VWCE: variants seen among roughly 807,000 people sequenced by gnomAD.
The protein encoded by VWCE is von Willebrand factor C and EGF domains, also known as von Willebrand factor C and EGF domain-containing protein.
In VWCE, 68 loss-of-function variants were observed where a neutral mutation model predicts 102.9. That is an observed-to-expected ratio of 0.66 (90% confidence interval 0.54 to 0.81). The LOEUF (loss-of-function observed/expected upper bound fraction) is 0.81, where lower values mean the gene tolerates loss of function less well. Among genes scored for constraint, VWCE ranks in the 30% least tolerant of loss-of-function variants. The pLI, the probability that VWCE is intolerant of heterozygous loss-of-function variation, is 0.00. For synonymous variants in VWCE, 497 were observed against 515.4 expected (o/e 0.96, Z 0.48); for missense variants, 1,137 against 1,263.6 (o/e 0.90, Z 1.52).
chr11:61,264,683 C>A, intron 18 of VWCE, 106 bp from the exon 19 acceptor site: 1 of 1,254,016 alleles, frequency 8.0e-7, no homozygotes, highest in Non-Finnish European at 1.1e-6. Context: ...ACGGAAAGAT[C>A]CCAGGACAGA....
chr11:61,288,135 AAC>A (rs1855391926), intron 4 of VWCE, among the ~76,000 whole-genome samples: 2 of 147,468 alleles, frequency 1.4e-5, no homozygotes, highest in African/African-American at 5.1e-5. Context: ...CCAGCCTAGC[AAC>A]AGAGTGAGAC....
In VWCE at chr11:61,278,365, C is replaced by T. The variant is rs758126034; in HGVS notation, c.1407+29G>A. ...CCCCCAAAGGTTAAGAAAACACCCA[C>T]GAGGCTTTGAGGATCTTGTGACGCT... On this transcript the variant is annotated intron_variant, in intron 10 of 19. Transcript: ENST00000335613. 2.0e-5 allele frequency: 32 copies of T among 1,612,898 alleles called. 1 individual carries two copies. Among genetic ancestry groups the T allele is most frequent in the Admixed American group, 1.8e-4 (11 of 59,918 alleles).
In VWCE at chr11:61,281,170, G is replaced by A; in HGVS notation, c.853C>T (p.Leu285Phe). The A allele has an allele frequency of 1.9e-6, 3 of 1,613,658 alleles. No individual in the cohort carries two copies. Among genetic ancestry groups the A allele is most frequent in the Non-Finnish European group, 2.5e-6 (3 of 1,180,028 alleles). Residue 285 changes from leucine to phenylalanine, a missense_variant, in exon 8 of 20, where the codon CTT (leucine) becomes TTT (phenylalanine). Leu to Phe is a conservative substitution (Grantham distance 22). Around this residue, in one of 5 missense-constraint regions of VWCE, gnomAD observed 575 missense variants for 625.9 expected, o/e 0.92. Transcript: ENST00000335613. ...LQPRQHPSKM[L>F]LLLPEAGRPA... ...CGGCCGGCCTCAGGAAGCAACAGAA[G>A]CATCTTGGACGGGTGTTGCCGGGGT...
chr11:61,282,120 A>C (rs1855163455), intron 6 of VWCE, among the ~76,000 whole-genome samples: 1 of 152,178 alleles, frequency 6.6e-6, no homozygotes, highest in African/African-American at 2.4e-5. Context: ...TCACACATCG[A>C]GCAGGTATTT....
At chr11:61,264,674 C>A in intron 18 of VWCE, 97 bp from the exon 19 acceptor site, 1 of 1,312,442 alleles carries the variant, frequency 7.6e-7, no homozygotes, top group Non-Finnish European at 1.1e-6. Context: ...GCAGGACCCA[C>A]GGAAAGATCC....
At position 61,269,029 on chromosome 11, in the gene VWCE, G is replaced by T. The variant is rs1400587693; in HGVS notation, c.1786-11C>A. The T allele has an allele frequency of 5.6e-6, 9 of 1,613,578 alleles. No homozygotes were observed. Among genetic ancestry groups the T allele is most frequent in the Non-Finnish European group, 6.8e-6 (8 of 1,179,828 alleles). On this transcript the variant is annotated splice_polypyrimidine_tract_variant and intron_variant, in intron 14 of 19. Transcript: ENST00000335613. Reference sequence around the variant, plus strand: ...CACCGAGCCATCTGCCTGGAGGAAGGAGGAACTTCACCAAGACCCCACCGG... The same window carrying T: ...CACCGAGCCATCTGCCTGGAGGAAGTAGGAACTTCACCAAGACCCCACCGG...
chr11:61,265,643 C>CA (rs2134742576), intron 16 of VWCE, among the ~76,000 whole-genome samples: 1 of 152,330 alleles, frequency 6.6e-6, no homozygotes, highest in South Asian at 2.1e-4. Context: ...TGTCCCTTGT[C>CA]ACGCATGTAC....
In VWCE at chr11:61,273,266, G is replaced by C. The variant is rs1467868681; in HGVS notation, c.1632C>G (p.Pro544=). 1 of 1,613,930 alleles carries C rather than the reference G, an allele frequency of 6.2e-7. No individual in the cohort carries two copies. ...CAGGGCCCAGCCGCCACTCTTCTCG[G>C]GGGCAGGCCAGCTCAGGGCAGGGCA... ...SFMPCPELAC[P]REEWRLGPGQ... is the part of the protein sequence containing the mutation. Residue 544 remains proline (P), a synonymous_variant, in exon 13 of 20, where the codon CCC becomes CCG. Transcript: ENST00000335613.
chr11:61,276,959 G>A, intron 10 of VWCE, among the ~76,000 whole-genome samples: 1 of 113,110 alleles, frequency 8.8e-6, no homozygotes, highest in Non-Finnish European at 1.8e-5. Context: ...GAGGGGAGGG[G>A]AGGGGAAGGG....
At position 61,291,557 on chromosome 11, in the gene VWCE, C is replaced by A; in HGVS notation, c.130G>T (p.Val44Phe). 1 of 1,452,356 alleles carries A rather than the reference C, an allele frequency of 6.9e-7. No individual in the cohort carries two copies. Among genetic ancestry groups the A allele is most frequent in the Non-Finnish European group, 9.1e-7 (1 of 1,096,942 alleles). The allele number at this position is 1,452,356 out of a possible 1,614,324, so 90.0% of individuals were successfully genotyped here. A position where few individuals can be genotyped will look rare whatever the true frequency, so the allele number is the denominator to read the frequency against. ...AAERRRLGPHVCLSGFGSGCC... is the reference protein window; with the variant it reads ...AAERRRLGPHFCLSGFGSGCC... ...CCACTCCCAAACCCAGAGAGGCAGA[C>A]GTGGGGGCCCAGTCGGCGTCTGCAA... The change falls in exon 2 of 20, where the codon GTC becomes TTC. Residue 44 changes from valine (V) to phenylalanine (F), a missense_variant. Val to Phe is a conservative substitution (Grantham distance 50, BLOSUM62 -1). This residue lies in a region of VWCE where 575 missense variants were observed against 625.9 expected (regional missense o/e 0.92). Coordinates refer to ENST00000335613, the MANE Select transcript of VWCE (RefSeq NM_152718.2).
At chr11:61,263,135 T>C (rs1055343456) in intron 19 of VWCE, among the ~76,000 whole-genome samples, 1 of 152,032 alleles carries the variant, frequency 6.6e-6, no homozygotes, top group East Asian at 1.9e-4. Context: ...GGCGAAACCT[T>C]GTCTCTACTA....
chr11:61,266,584 T>G (rs1173842484), intron 16 of VWCE, among the ~76,000 whole-genome samples: 1 of 151,940 alleles, frequency 6.6e-6, no homozygotes, highest in Non-Finnish European at 1.5e-5. Context: ...TTCCAAAAAC[T>G]AAATGATACT....
intron 4 of VWCE, 31 bp downstream of exon 4, chr11:61,290,768 C>G: frequency 6.3e-7 from 1 of 1,581,142 alleles, no homozygotes; most frequent in Non-Finnish European, 8.6e-7. Flanking sequence ...CTGTCCCCCT[C>G]CCCCTCCCCC....
intron 19 of VWCE, among the ~76,000 whole-genome samples, chr11:61,263,859 C>T (rs889603625): frequency 6.6e-6 from 1 of 152,106 alleles, no homozygotes; most frequent in Non-Finnish European, 1.5e-5. Flanking sequence ...GCAAAACGGA[C>T]TCAGTTCCCA....
Position 61,265,241 on chromosome 11 carries a change from C to G in VWCE, c.1966-29G>C, listed in dbSNP as rs988664910. 21 of 1,460,192 alleles carry G rather than the reference C, an allele frequency of 1.4e-5. No individual in the cohort carries two copies. The African/African-American group carries it at 2.6e-4, about 18-fold the overall frequency. The allele number at this position is 1,460,192 out of a possible 1,614,324, so 90.5% of individuals were successfully genotyped here. On this transcript the variant is annotated intron_variant, in intron 16 of 19. Transcript: ENST00000335613. The stretch of plus-strand genomic sequence containing the variant: ...CAGGACACAGAAAACACACAAGGCC[C>G]TCGGTTCAGGGCAGCTGACAAGACA...
chr11:61,259,528 C>T (rs1351915408), intron 19 of VWCE, among the ~76,000 whole-genome samples: 1 of 152,180 alleles, frequency 6.6e-6, no homozygotes, highest in Non-Finnish European at 1.5e-5. Flanking sequence ...TCACGCAAGG[C>T]ATGCAACTCT....
chr11:61,262,128 A>G (rs191127099), intron 19 of VWCE, among the ~76,000 whole-genome samples: 2 of 152,150 alleles, frequency 1.3e-5, no homozygotes, highest in Admixed American at 1.3e-4. Context: ...TAATTTTTCT[A>G]TTTTTAGTAG....
At chr11:61,279,926 T>C (rs1301387113) in intron 9 of VWCE, among the ~76,000 whole-genome samples, 2 of 152,124 alleles carry the variant, frequency 1.3e-5, no homozygotes, top group African/African-American at 2.4e-5. Context: ...GGGTCCTCCC[T>C]ATAGACACGG....
chr11:61,258,330 G>T lies in VWCE; in HGVS notation c.*345C>A, dbSNP rs372584080. 3.2e-5 allele frequency: 6 copies of T among 188,886 alleles called. No homozygotes were observed. In the Middle Eastern group the frequency reaches 5.6e-3, roughly 176 times the overall value. 11.7% of individuals were successfully genotyped at this position (188,886 alleles called of 1,614,324 possible). On this transcript the variant is annotated 3_prime_UTR_variant, in exon 20 of 20. Coordinates refer to ENST00000335613, the MANE Select transcript of VWCE (RefSeq NM_152718.2). Reference sequence around the variant, plus strand: ...TTTAATCAGGAAACCTCAGAGAGACGCATGACACCTGGCGGTACAGTCCCA... The same window carrying T: ...TTTAATCAGGAAACCTCAGAGAGACTCATGACACCTGGCGGTACAGTCCCA...
Sources: allele counts gnomAD v4.1 joint callset (sites outside exome capture counted in the v4.1 genomes callset), GRCh38; gene constraint gnomAD v4.1.1; regional missense constraint gnomAD v4.1.1; transcripts MANE v1.5; gene names NCBI Gene and HGNC (gene_info 2026-07-23, HGNC 2026-07-21).